Variants in KIRREL3 observed in about 807,000 individuals in gnomAD.
KIRREL3 encodes kirre like nephrin family adhesion molecule 3, also known as kin of IRRE-like protein 3.
Under a neutral mutation model 89.7 loss-of-function variants are expected in KIRREL3, and 36 were observed. That is an observed-to-expected ratio of 0.40 (90% confidence interval 0.31 to 0.53). The LOEUF is 0.53. Among genes scored for constraint, KIRREL3 ranks in the 20% least tolerant of loss-of-function variants. KIRREL3 has a pLI of 0.49. For missense variants in KIRREL3, 864 were observed against 1,056.6 expected, an observed-to-expected ratio of 0.82 and a Z score of 2.53; for synonymous variants, 445 against 441.4, an observed-to-expected ratio of 1.01 and a Z score of -0.10.
rs386375211 is a variant in KIRREL3 at position 126,535,590 on chromosome 11, T to TGTGG, written c.134-8904_134-8903insCCAC. 2.6e-3 allele frequency among the ~76,000 whole-genome samples: 393 copies of TGTGG among 152,190 alleles called. 3 individuals are homozygous for TGTGG. Among genetic ancestry groups the TGTGG allele is most frequent in the Admixed American group, 4.3e-3 (66 of 15,292 alleles). ...GCTGGGTCGGGTGTGTGTGTGTGTG[T>TGTGG]GTGCACGTGGGTGTGTTTGTCAGAT... On this transcript the variant is annotated intron_variant, in intron 2 of 16. Coordinates refer to ENST00000525144, the MANE Select transcript of KIRREL3 (RefSeq NM_032531.4). This position sits in a 1 kb window ranked among gnomAD's most constrained non-coding sequence, Gnocchi z 4.5.
chr11:126,537,135 G>A lies in KIRREL3; in HGVS notation c.134-10448C>T, dbSNP rs1334005809. Among the ~76,000 whole-genome samples the A allele has an allele frequency of 6.6e-6, 1 of 152,174 alleles. No individual in the cohort carries two copies. Among genetic ancestry groups the A allele is most frequent in the Non-Finnish European group, 1.5e-5 (1 of 68,032 alleles). Reference sequence around the variant, plus strand: ...AAACCCAGTCAGACCTGGACAGGAAGTGAGGGTCACTAATATAAGGATGGA... The same window carrying A: ...AAACCCAGTCAGACCTGGACAGGAAATGAGGGTCACTAATATAAGGATGGA... On this transcript the variant is annotated intron_variant, in intron 2 of 16. Coordinates refer to ENST00000525144, the MANE Select transcript of KIRREL3 (RefSeq NM_032531.4). This position sits in a 1 kb window ranked among gnomAD's most constrained non-coding sequence, Gnocchi z 4.3.
At chr11:126,479,969 A>G (rs891496835) in intron 4 of KIRREL3, among the ~76,000 whole-genome samples, 2 of 152,156 alleles carry the variant, frequency 1.3e-5, no homozygotes, top group Non-Finnish European at 2.9e-5. Flanking sequence ...GCTTCTGTCT[A>G]TGATCCCACA....
chr11:126,661,744 C>T (rs567632701), intron 1 of KIRREL3, among the ~76,000 whole-genome samples: 2 of 152,312 alleles, frequency 1.3e-5, no homozygotes, highest in Admixed American at 1.3e-4. Flanking sequence ...TACCCAGGCT[C>T]CATCCCCAGA....
At position 126,432,881 on chromosome 11, in the gene KIRREL3, A is replaced by T. The variant is rs1955187132; in HGVS notation, c.1589-1355T>A. On this transcript the variant is annotated intron_variant, in intron 13 of 16. Coordinates refer to ENST00000525144, the MANE Select transcript of KIRREL3 (RefSeq NM_032531.4). The surrounding 1 kb of genome is among the most constrained non-coding windows in gnomAD (Gnocchi z 6.2). ...CCCAGGAAGGGGTCACCAGCAGTTC[A>T]CGGTCTTTTATTTTTGGGATGGAGT... 6.6e-6 allele frequency among the ~76,000 whole-genome samples: 1 copy of T among 152,012 alleles called. No individual in the cohort carries two copies. Among genetic ancestry groups the T allele is most frequent in the Non-Finnish European group, 1.5e-5 (1 of 68,010 alleles).
rs1950021460 is a variant in KIRREL3 at position 126,771,526 on chromosome 11, T to A, written c.56-208614A>T. On this transcript the variant is annotated intron_variant, in intron 1 of 16. Transcript: ENST00000525144. The surrounding 1 kb of genome is among the most constrained non-coding windows in gnomAD (Gnocchi z 4.4). ...TTGGTGCAAAAATAATCACAATTTT[T>A]GCCATTAAAAGTAACAGCAAAACCT... Among the ~76,000 whole-genome samples the A allele has an allele frequency of 6.6e-6, 1 of 152,226 alleles. No individual in the cohort carries two copies. The highest frequency in any genetic ancestry group is 6.5e-5 in the Admixed American group (1 of 15,274).
chr11:126,855,268 C>T (rs1222635694), intron 1 of KIRREL3, among the ~76,000 whole-genome samples: 4 of 152,206 alleles, frequency 2.6e-5, no homozygotes, highest in Admixed American at 6.5e-5. Flanking sequence ...TTCGCCCTTG[C>T]GTTCTTGCGA....
intron 1 of KIRREL3, among the ~76,000 whole-genome samples, chr11:126,777,085 G>A (rs756293979): frequency 2.6e-5 from 4 of 152,170 alleles, no homozygotes; most frequent in Non-Finnish European, 2.9e-5. Flanking sequence ...GTATAGGAAC[G>A]TCCAGGGCCA....
intron 1 of KIRREL3, among the ~76,000 whole-genome samples, chr11:126,923,187 C>CTTCTCTTCTTCTTCTTCTTCTTCT (rs1555090325): frequency 4.2e-5 from 1 of 23,814 alleles, no homozygotes; most frequent in African/African-American, 2.3e-4. Context: ...TCTTCTTCTT[C>CTTCTCTTCTTCTTCTTCTTCTTCT]TCTTCTTCTT....
chr11:126,842,310 CTA>C (rs1943990558), intron 1 of KIRREL3, among the ~76,000 whole-genome samples: 1 of 152,150 alleles, frequency 6.6e-6, no homozygotes, highest in African/African-American at 2.4e-5. Context: ...TAAGCAATTT[CTA>C]TGAGCTCATT....
chr11:126,842,151 A>G (rs570080883), intron 1 of KIRREL3, among the ~76,000 whole-genome samples: 1 of 152,156 alleles, frequency 6.6e-6, no homozygotes, highest in Admixed American at 6.5e-5. Context: ...CCTGCCTGTG[A>G]GTGGTTGCTG....
At position 126,571,190 on chromosome 11, in the gene KIRREL3, G is replaced by A. The variant is rs867256373; in HGVS notation, c.56-8278C>T. Reference sequence around the variant, plus strand: ...CTTTGGGCTGGCTTTTTGATACCTTGCCTAGCTCTTATCATCTTTCTCTCC... The same window carrying A: ...CTTTGGGCTGGCTTTTTGATACCTTACCTAGCTCTTATCATCTTTCTCTCC... On this transcript the variant is annotated intron_variant, in intron 1 of 16. Coordinates refer to ENST00000525144, the MANE Select transcript of KIRREL3 (RefSeq NM_032531.4). The surrounding 1 kb of genome is among the most constrained non-coding windows in gnomAD (Gnocchi z 7.7). Among the ~76,000 whole-genome samples, 2 of 152,140 alleles carry A rather than the reference G, an allele frequency of 1.3e-5. No individual in the cohort carries two copies. The highest frequency in any genetic ancestry group is 2.9e-5 in the Non-Finnish European group (2 of 68,026).
Position 126,759,107 on chromosome 11 carries a change from T to A in KIRREL3, c.56-196195A>T, listed in dbSNP as rs549187239. ...ACTATTTTATTTCTTAATGCTATAA[T>A]GTCTACTTTGTGGGTATTTTTGTTG... On this transcript the variant is annotated intron_variant, in intron 1 of 16. Coordinates refer to ENST00000525144, the MANE Select transcript of KIRREL3 (RefSeq NM_032531.4). Among the ~76,000 whole-genome samples the A allele has an allele frequency of 1.6e-4, 25 of 152,314 alleles. No homozygotes were observed. In the South Asian group the frequency reaches 5.0e-3, roughly 30 times the overall value.
intron 1 of KIRREL3, among the ~76,000 whole-genome samples, chr11:126,957,122 C>T (rs1296262807): frequency 6.6e-6 from 1 of 152,176 alleles, no homozygotes; most frequent in African/African-American, 2.4e-5. Context: ...GAGTTCAGCC[C>T]TGTGAGGACA....
chr11:126,697,996 T>C lies in KIRREL3; in HGVS notation c.56-135084A>G, dbSNP rs984640948. On this transcript the variant is annotated intron_variant, in intron 1 of 16. Transcript: ENST00000525144. The surrounding 1 kb of genome is among the most constrained non-coding windows in gnomAD (Gnocchi z 4.2). ...ACAACGCTGGTGAAGTCTGAACAAA[T>C]GCAAAGTCAAGCACAATAATAATTT... is the stretch of plus-strand genomic sequence containing the variant. Among the ~76,000 whole-genome samples the C allele has an allele frequency of 6.6e-6, 1 of 152,122 alleles. No homozygotes were observed. The highest frequency in any genetic ancestry group is 2.4e-5 in the African/African-American group (1 of 41,418).
chr11:126,791,710 C>T lies in KIRREL3; in HGVS notation c.55+208745G>A, dbSNP rs1239901374. ...GGCCAGGTGTGAATGAGTCTGAGCC[C>T]AGTGAAAGAGGGAGAGGGAACAGAG... On this transcript the variant is annotated intron_variant, in intron 1 of 16. Transcript: ENST00000525144. The surrounding 1 kb of genome is among the most constrained non-coding windows in gnomAD (Gnocchi z 4.8). 6.6e-6 allele frequency among the ~76,000 whole-genome samples: 1 copy of T among 152,142 alleles called. No individual in the cohort carries two copies. Among genetic ancestry groups the T allele is most frequent in the African/African-American group, 2.4e-5 (1 of 41,432 alleles).
In KIRREL3 at chr11:126,844,167, C is replaced by T. The variant is rs1944056976; in HGVS notation, c.55+156288G>A. On this transcript the variant is annotated intron_variant, in intron 1 of 16. Coordinates refer to ENST00000525144, the MANE Select transcript of KIRREL3 (RefSeq NM_032531.4). This position sits in a 1 kb window ranked among gnomAD's most constrained non-coding sequence, Gnocchi z 4.8. ...CCAGGTGGGACAATAGTGAGGAAAC[C>T]CCCAATCCAAAGGCTAACTTTGGGT... Among the ~76,000 whole-genome samples the T allele has an allele frequency of 6.6e-6, 1 of 152,120 alleles. No homozygotes were observed. Among genetic ancestry groups the T allele is most frequent in the African/African-American group, 2.4e-5 (1 of 41,416 alleles).
At position 126,924,412 on chromosome 11, in the gene KIRREL3, T is replaced by G. The variant is rs1947608258; in HGVS notation, c.55+76043A>C. Among the ~76,000 whole-genome samples the G allele has an allele frequency of 6.6e-6, 1 of 152,166 alleles. No homozygotes were observed. Among genetic ancestry groups the G allele is most frequent in the African/African-American group, 2.4e-5 (1 of 41,452 alleles). On this transcript the variant is annotated intron_variant, in intron 1 of 16. Coordinates refer to ENST00000525144, the MANE Select transcript of KIRREL3 (RefSeq NM_032531.4). This position sits in a 1 kb window ranked among gnomAD's most constrained non-coding sequence, Gnocchi z 4.7. Reference sequence around the variant, plus strand: ...TCCTTATAAGTACTCAAAAAATATGTGTTCAATGAAAAAATAATTGGGATC... The same window carrying G: ...TCCTTATAAGTACTCAAAAAATATGGGTTCAATGAAAAAATAATTGGGATC...
In KIRREL3 at chr11:126,656,144, C is replaced by T. The variant is rs1565624576; in HGVS notation, c.56-93232G>A. ...AGTGCTGTCTCGGGAACCAGCAACACAGATGTTCCCAGGAGCAATGTTTGC... is the reference window on the plus strand; with the variant it reads ...AGTGCTGTCTCGGGAACCAGCAACATAGATGTTCCCAGGAGCAATGTTTGC... On this transcript the variant is annotated intron_variant, in intron 1 of 16. Transcript: ENST00000525144. The surrounding 1 kb of genome is among the most constrained non-coding windows in gnomAD (Gnocchi z 4.0). 1 of 456,152 alleles carries T rather than the reference C, an allele frequency of 2.2e-6. No homozygotes were observed. The highest frequency in any genetic ancestry group is 2.3e-5 in the Admixed American group (1 of 42,572). 28.3% of individuals were successfully genotyped at this position (456,152 alleles called of 1,614,324 possible). A position where few individuals can be genotyped will look rare whatever the true frequency, so the allele number is the denominator to read the frequency against.
At chr11:126,466,656 T>C (rs768586456) in intron 5 of KIRREL3, among the ~76,000 whole-genome samples, 3 of 152,368 alleles carry the variant, frequency 2.0e-5, no homozygotes, top group South Asian at 2.1e-4. Flanking sequence ...TTTTCTCATA[T>C]GCAAATGGAG....
Sources: gnomAD v4.1 joint callset for allele counts (sites outside exome capture counted in the v4.1 genomes callset) on GRCh38, gnomAD v4.1.1 for gene constraint, Gnocchi (gnomAD v3.1) non-coding constraint, MANE v1.5 for transcripts, NCBI Gene and HGNC (gene_info 2026-07-23, HGNC 2026-07-21) for gene names.